The following PHC3 variants were observed in gnomAD, a reference collection of about 807,000 sequenced individuals.
PHC3 encodes polyhomeotic-like protein 3.
In PHC3, 13 loss-of-function variants were observed where a neutral mutation model predicts 107.4. The ratio of observed to expected loss-of-function variants is 0.12; its 90% CI spans 0.08 to 0.19. The LOEUF is 0.19. Ranked by LOEUF, PHC3 falls within the 10% of genes least tolerant of loss-of-function variation. PHC3 has a pLI of 1.00. For synonymous variants in PHC3, 456 were observed against 427.4 expected, an observed-to-expected ratio of 1.07 and a Z score of -0.83; for missense variants, 992 against 1,210.9, an observed-to-expected ratio of 0.82 and a Z score of 2.68.
intron 6 of PHC3, among the ~76,000 whole-genome samples, chr3:170,141,895 C>T (rs1464406879): frequency 6.6e-6 from 1 of 152,198 alleles, no homozygotes; most frequent in Non-Finnish European, 1.5e-5. Context: ...TGAGCTACCT[C>T]GCCCGGCCTG....
intron 4 of PHC3, among the ~76,000 whole-genome samples, chr3:170,157,887 T>C (rs939623216): frequency 1.3e-5 from 2 of 151,596 alleles, no homozygotes; most frequent in African/African-American, 4.8e-5. Context: ...ATATATATAA[T>C]AAAATAGTCA....
At chr3:170,178,125 ATAGAC>A (rs1730791759) in intron 2 of PHC3, among the ~76,000 whole-genome samples, 1 of 152,040 alleles carries the variant, frequency 6.6e-6, no homozygotes, top group South Asian at 2.1e-4. Flanking sequence ...GCCCACATGA[ATAGAC>A]TAAAGGAAAA....
chr3:170,176,367 G>C (rs1001519126), intron 2 of PHC3, among the ~76,000 whole-genome samples: 1 of 152,096 alleles, frequency 6.6e-6, no homozygotes, highest in African/African-American at 2.4e-5. Context: ...AGTGATTTTG[G>C]AAAACTAAAT....
In PHC3 at chr3:170,176,440, G is replaced by A. The variant is rs549551777; in HGVS notation, c.180+2333C>T. On this transcript the variant is annotated intron_variant, in intron 2 of 14. Coordinates refer to ENST00000495893, the MANE Select transcript of PHC3 (RefSeq NM_024947.4). ...GTATCCACCATGGAAAAATGGAGCA[G>A]AGGAAGGACTATATTGCAAGCAGTT... is the stretch of plus-strand genomic sequence containing the variant. Among the ~76,000 whole-genome samples, 4 of 152,254 alleles carry A rather than the reference G, an allele frequency of 2.6e-5. No individual in the cohort carries two copies. In the East Asian group the frequency reaches 7.7e-4, roughly 29 times the overall value.
At chr3:170,160,748 C>CA (rs1383038904) in intron 4 of PHC3, among the ~76,000 whole-genome samples, 3 of 151,648 alleles carry the variant, frequency 2.0e-5, no homozygotes, top group Non-Finnish European at 2.9e-5. Context: ...TGAAAACATA[C>CA]AAAAAAAATT....
intron 9 of PHC3, among the ~76,000 whole-genome samples, chr3:170,121,675 T>A (rs1291937988): frequency 6.6e-6 from 1 of 152,214 alleles, no homozygotes; most frequent in African/African-American, 2.4e-5. Context: ...AGAATTTTTT[T>A]AATCCATGTC....
chr3:170,145,695 C>G (rs1423190734), intron 5 of PHC3, among the ~76,000 whole-genome samples, 174 bp from the exon 6 acceptor site: 4 of 151,408 alleles, frequency 2.6e-5, no homozygotes, highest in Non-Finnish European at 4.4e-5. Flanking sequence ...ATAGAGAACT[C>G]AAAAAAAATC....
In PHC3 at chr3:170,122,863, TAC is replaced by T. The variant is rs1720614552; in HGVS notation, c.1789-121_1789-120del. ...AATTTAAAAACAAGGCAAAAATGAC[TAC>T]TCTAACAGACTGAAAGGAAAACTTA... On this transcript the variant is annotated intron_variant, in intron 8 of 14. Transcript: ENST00000495893. The T allele has an allele frequency of 2.7e-6, 3 of 1,107,486 alleles. No individual in the cohort carries two copies. The African/African-American group carries it at 4.7e-5, about 18-fold the overall frequency. The allele number at this position is 1,107,486 out of a possible 1,614,324, so 68.6% of individuals were successfully genotyped here.
intron 4 of PHC3, among the ~76,000 whole-genome samples, chr3:170,151,107 A>T (rs1220742322): frequency 6.6e-6 from 1 of 152,004 alleles, no homozygotes; most frequent in Non-Finnish European, 1.5e-5. Context: ...GCTACTCAGA[A>T]GGCTGAGGCA....
rs955338566 is a variant in PHC3, at chr3:170,092,715, C to A, written c.*4515G>T. ...TGTAATTCTGGCAACTCAATTACAA[C>A]AACCTTTGAATTTTTGACAAATATT... On this transcript the variant is annotated 3_prime_UTR_variant, in exon 15 of 15. Coordinates refer to ENST00000495893, the MANE Select transcript of PHC3 (RefSeq NM_024947.4). 8.5e-5 allele frequency: 13 copies of A among 152,184 alleles called. No individual in the cohort carries two copies. Among genetic ancestry groups the A allele is most frequent in the African/African-American group, 3.1e-4 (13 of 41,444 alleles). 9.4% of individuals were successfully genotyped at this position (152,184 alleles called of 1,614,324 possible). A position where few individuals can be genotyped will look rare whatever the true frequency, so the allele number is the denominator to read the frequency against.
At chr3:170,099,150 A>T (rs867600134) in intron 14 of PHC3, among the ~76,000 whole-genome samples, 2 of 152,240 alleles carry the variant, frequency 1.3e-5, no homozygotes, top group African/African-American at 2.4e-5. Flanking sequence ...ATTTGGGAAT[A>T]GAAACAAGGA....
chr3:170,169,968 C>G (rs1729338372), intron 4 of PHC3: 1 of 151,394 alleles, frequency 6.6e-6, no homozygotes, highest in Non-Finnish European at 1.5e-5. Context: ...TTAAGTTTTT[C>G]ATTTAATCTA....
In PHC3 at chr3:170,140,584, C is replaced by CTTT. The variant is rs57137783; in HGVS notation, c.673-3922_673-3920dup. Among the ~76,000 whole-genome samples the CTTT allele has an allele frequency of 3.9e-4, 27 of 69,592 alleles. 1 individual carries two copies. Among genetic ancestry groups the CTTT allele is most frequent in the Admixed American group, 7.7e-4 (4 of 5,178 alleles). 45.7% of individuals were successfully genotyped at this position (69,592 alleles called of 152,430 possible). Reference sequence around the variant, plus strand: ...TCAGAGTTCTTACTCATTTCTTTTTCTTTTTTTTTTTTTTTTTTTTTTTTT... The same window carrying CTTT: ...TCAGAGTTCTTACTCATTTCTTTTTCTTTTTTTTTTTTTTTTTTTTTTTTTTTT... On this transcript the variant is annotated intron_variant, in intron 6 of 14. Transcript: ENST00000495893.
At chr3:170,181,584 G>C in intron 1 of PHC3, 118 bp downstream of exon 1, 1 of 1,465,286 alleles carries the variant, frequency 6.8e-7, no homozygotes, top group Non-Finnish European at 9.5e-7. Context: ...GACGGGTCTC[G>C]AGTCTCTCTT....
intron 14 of PHC3, among the ~76,000 whole-genome samples, chr3:170,098,560 G>A (rs1272149605): frequency 3.9e-5 from 6 of 152,102 alleles, no homozygotes; most frequent in Admixed American, 3.9e-4. Flanking sequence ...AAGCATTATA[G>A]GTACTGAATA....
At chr3:170,138,627 T>C (rs1049933062) in intron 6 of PHC3, among the ~76,000 whole-genome samples, 46 of 146,546 alleles carry the variant, frequency 3.1e-4, no homozygotes, top group African/African-American at 1.1e-3. Context: ...GAGGCAGAGG[T>C]TGCAGTGAGC....
At chr3:170,151,547 C>G (rs752524010) in intron 4 of PHC3, among the ~76,000 whole-genome samples, 1 of 152,176 alleles carries the variant, frequency 6.6e-6, no homozygotes, top group Non-Finnish European at 1.5e-5. Flanking sequence ...CCAAGGCAGT[C>G]TATAAGGGTA....
At chr3:170,138,962 T>C (rs1344099447) in intron 6 of PHC3, among the ~76,000 whole-genome samples, 1 of 150,798 alleles carries the variant, frequency 6.6e-6, no homozygotes, top group Admixed American at 6.6e-5. Flanking sequence ...CCAAACCCAT[T>C]CTTCCAAGCC....
intron 7 of PHC3, among the ~76,000 whole-genome samples, chr3:170,136,149 G>A (rs931425397): frequency 6.6e-6 from 1 of 151,930 alleles, no homozygotes. Flanking sequence ...AAGATAGAAG[G>A]TTTTATCAAT....
Sources: gnomAD v4.1 joint callset for allele counts (sites outside exome capture counted in the v4.1 genomes callset) on GRCh38, gnomAD v4.1.1 for gene constraint, MANE v1.5 for transcripts, NCBI Gene and HGNC (gene_info 2026-07-23, HGNC 2026-07-21) for gene names.